The following SGCD variants were observed in gnomAD, a reference collection of about 807,000 sequenced individuals.
SGCD encodes the protein delta-sarcoglycan.
Under a neutral mutation model 36.6 loss-of-function variants are expected in SGCD, and 18 were observed. The ratio of observed to expected loss-of-function variants is 0.49; its 90% confidence interval spans 0.34 to 0.73. SGCD has a LOEUF of 0.73. Among genes scored for constraint, SGCD ranks in the 30% least tolerant of loss-of-function variants. SGCD has a pLI of 0.01. For missense variants in SGCD, 387 were observed against 346.7 expected, an observed-to-expected ratio of 1.12 and a Z score of -0.92; for synonymous variants, 133 against 130.6, an observed-to-expected ratio of 1.02 and a Z score of -0.12.
chr5:156,628,934 A>G (rs1219087966), intron 6 of SGCD, among the ~76,000 whole-genome samples: 1 of 152,214 alleles, frequency 6.6e-6, no homozygotes, highest in Non-Finnish European at 1.5e-5. Context: ...TGAAGATATC[A>G]ACACTGCATT....
intron 3 of SGCD, among the ~76,000 whole-genome samples, chr5:156,156,631 A>G (rs750435428): frequency 2.0e-5 from 3 of 151,440 alleles, no homozygotes; most frequent in Non-Finnish European, 4.4e-5. Context: ...CTCAAGAAAA[A>G]TACCAAAAAT....
intron 3 of SGCD, among the ~76,000 whole-genome samples, chr5:156,472,304 T>C (rs892754615): frequency 3.3e-5 from 5 of 152,210 alleles, no homozygotes; most frequent in Non-Finnish European, 5.9e-5. Context: ...AGCAGCTTTT[T>C]CATAATAGCT....
chr5:156,376,492 A>G (rs983387518), intron 3 of SGCD, among the ~76,000 whole-genome samples: 3 of 152,216 alleles, frequency 2.0e-5, no homozygotes, highest in Non-Finnish European at 4.4e-5. Flanking sequence ...ATGCATATGT[A>G]ATTTACAAGT....
At chr5:156,279,008 G>T (rs1561597563) in intron 3 of SGCD, among the ~76,000 whole-genome samples, 1 of 152,158 alleles carries the variant, frequency 6.6e-6, no homozygotes, top group Non-Finnish European at 1.5e-5. Flanking sequence ...GGTGCTAATG[G>T]CATCTAGTGG....
At chr5:156,182,758 A>C (rs1763639079) in intron 3 of SGCD, among the ~76,000 whole-genome samples, 1 of 152,158 alleles carries the variant, frequency 6.6e-6, no homozygotes. Context: ...TCTCCCACTA[A>C]AGGGTCAGAG....
chr5:155,924,978 A>G (rs1407280567), intron 1 of SGCD, among the ~76,000 whole-genome samples: 1 of 152,220 alleles, frequency 6.6e-6, no homozygotes, highest in Admixed American at 6.5e-5. Context: ...ATCCGGGGGT[A>G]GAATTGTGCT....
intron 3 of SGCD, among the ~76,000 whole-genome samples, chr5:156,138,889 A>G (rs1762516821): frequency 6.6e-6 from 1 of 152,214 alleles, no homozygotes; most frequent in African/African-American, 2.4e-5. Context: ...TGGATATAAA[A>G]TAAGATTTCT....
chr5:156,033,040 AT>A (rs1759390136), intron 1 of SGCD, among the ~76,000 whole-genome samples: 1 of 151,396 alleles, frequency 6.6e-6, no homozygotes, highest in Non-Finnish European at 1.5e-5. Flanking sequence ...TCACACCACC[AT>A]ACTCCAGCCT....
Position 156,274,203 on chromosome 5 carries a change from G to T in SGCD, c.-43-55331G>T, listed in dbSNP as rs1234506342. Among the ~76,000 whole-genome samples, 3 of 152,040 alleles carry T rather than the reference G, an allele frequency of 2.0e-5. No individual in the cohort carries two copies. The East Asian group carries it at 5.8e-4, about 29-fold the overall frequency. On this transcript the variant is annotated intron_variant, in intron 3 of 9. Transcript: ENST00000517913. ...TTGCTTCAAAAACAAAATTTCAGGG[G>T]ACACTAAAAATCTCAGCAATTAAAT...
chr5:156,482,833 T>C (rs1274443311), intron 3 of SGCD, among the ~76,000 whole-genome samples: 1 of 147,268 alleles, frequency 6.8e-6, no homozygotes, highest in Non-Finnish European at 1.5e-5. Context: ...TTTTTTTTTT[T>C]TTTTTAAGTA....
chr5:156,094,121 T>C (rs1006647643), intron 1 of SGCD, among the ~76,000 whole-genome samples: 2 of 152,104 alleles, frequency 1.3e-5, no homozygotes, highest in East Asian at 1.9e-4. Context: ...GCTCCTTTTA[T>C]GGTGGGGACA....
intron 3 of SGCD, among the ~76,000 whole-genome samples, chr5:156,211,459 T>A (rs1234370927): frequency 6.6e-6 from 1 of 151,850 alleles, no homozygotes; most frequent in Non-Finnish European, 1.5e-5. Flanking sequence ...TACAAAAAAA[T>A]TAGCTGGGCG....
chr5:156,545,898 C>CA (rs1340325705), intron 4 of SGCD, among the ~76,000 whole-genome samples: 1 of 152,176 alleles, frequency 6.6e-6, no homozygotes, highest in Non-Finnish European at 1.5e-5. Context: ...GATTCCACAG[C>CA]AAAATCTGGC....
chr5:156,748,029 T>C (rs1417829704), intron 7 of SGCD, among the ~76,000 whole-genome samples: 1 of 152,200 alleles, frequency 6.6e-6, no homozygotes, highest in Admixed American at 6.5e-5. Context: ...TCATGGTCTA[T>C]TCATGCAATC....
At chr5:156,606,128 T>A (rs1761437651) in intron 6 of SGCD, among the ~76,000 whole-genome samples, 1 of 152,226 alleles carries the variant, frequency 6.6e-6, no homozygotes, top group Non-Finnish European at 1.5e-5. Flanking sequence ...CCCATGCCTA[T>A]GTCCTGAATG....
At chr5:156,127,797 A>G (rs1359785880) in intron 3 of SGCD, among the ~76,000 whole-genome samples, 3 of 143,898 alleles carry the variant, frequency 2.1e-5, no homozygotes, top group Non-Finnish European at 4.5e-5. Context: ...CTTAATTTCT[A>G]CCTTATACCA....
intron 5 of SGCD, among the ~76,000 whole-genome samples, chr5:156,593,674 T>G (rs532678522): frequency 2.0e-5 from 3 of 152,182 alleles, no homozygotes; most frequent in Admixed American, 1.3e-4. Context: ...TCCTTTCTCA[T>G]GACTTCTTTC....
At chr5:155,749,220 A>G in the SGCD span, among the ~76,000 whole-genome samples, 2 of 152,298 alleles carry the variant, frequency 1.3e-5, no homozygotes, top group African/African-American at 4.8e-5. Context: ...GGGGTGAACT[A>G]AGACTTAATT....
intron 6 of SGCD, among the ~76,000 whole-genome samples, chr5:156,635,924 T>C (rs1762812667): frequency 6.6e-6 from 1 of 151,968 alleles, no homozygotes. Flanking sequence ...TTAGGAGGTA[T>C]ACCTAATGTT....
Sources: gnomAD v4.1 joint callset for allele counts (sites outside exome capture counted in the v4.1 genomes callset) on GRCh38, gnomAD v4.1.1 for gene constraint, MANE v1.5 for transcripts, NCBI Gene and HGNC (gene_info 2026-07-23, HGNC 2026-07-21) for gene names.